DMD: variants seen among roughly 807,000 people sequenced by gnomAD.
DMD encodes mutant dystrophin.
A neutral mutation model predicts 330.1 loss-of-function variants in DMD; 63 were observed. The ratio of observed to expected loss-of-function variants is 0.19; its 90% CI spans 0.16 to 0.24. The LOEUF is 0.24. Ranked by LOEUF, DMD falls within the 10% of genes least tolerant of loss-of-function variation. The probability of loss-of-function intolerance (pLI) is 1.00; values close to 1 mark genes in which losing one functional copy is unlikely to be tolerated. For synonymous variants in DMD, 1,223 were observed against 959.8 expected (o/e 1.27, Z -5.07); for missense variants, 3,344 against 2,684.1 (o/e 1.25, Z -5.43).
chrX:33,053,582 C>A (rs1381440445), intron 1 of DMD, among the ~76,000 whole-genome samples: 2 of 108,898 alleles, frequency 1.8e-5, no homozygotes, highest in Non-Finnish European at 3.8e-5. Context: ...GGTGACAGAG[C>A]AAGACTCCAT....
intron 2 of DMD, among the ~76,000 whole-genome samples, chrX:32,883,550 C>T (rs975946698): frequency 2.7e-5 from 3 of 110,673 alleles, no homozygotes; most frequent in African/African-American, 9.9e-5. Flanking sequence ...CATGGCCAGG[C>T]GCGGTGGCTC....
At chrX:31,688,913 T>A (rs1038628906) in intron 52 of DMD, among the ~76,000 whole-genome samples, 1 of 111,814 alleles carries the variant, frequency 8.9e-6, no homozygotes, top group African/African-American at 3.3e-5. Context: ...TTGACCAAAT[T>A]CAACAGCCCT....
At chrX:33,121,210 A>T in intron 1 of DMD, among the ~76,000 whole-genome samples, 1 of 108,519 alleles carries the variant, frequency 9.2e-6, no homozygotes, top group East Asian at 2.9e-4. Flanking sequence ...AATTTTTATA[A>T]TTTTGACTCA....
intron 11 of DMD, among the ~76,000 whole-genome samples, chrX:32,628,381 T>G: frequency 1.0e-5 from 1 of 100,057 alleles, no homozygotes; most frequent in South Asian, 5.5e-4. Context: ...TCCAGTTCCA[T>G]CCATGTTGTT....
At chrX:32,035,663 T>C (rs946586897) in intron 44 of DMD, 2 of 195,885 alleles carry the variant, frequency 1.0e-5, no homozygotes, top group African/African-American at 3.0e-5. Flanking sequence ...TATATACAGA[T>C]ACCTAATCAG....
At chrX:32,568,122 G>A (rs912930765) in intron 15 of DMD, among the ~76,000 whole-genome samples, 2 of 111,972 alleles carry the variant, frequency 1.8e-5, no homozygotes, top group African/African-American at 6.5e-5. Context: ...TAACCTCATG[G>A]TACCTAAACA....
At chrX:32,554,504 C>T (rs1291689049) in intron 16 of DMD, among the ~76,000 whole-genome samples, 6 of 110,456 alleles carry the variant, frequency 5.4e-5, no homozygotes, top group African/African-American at 2.0e-4. Flanking sequence ...TGCACATAAA[C>T]TAGAAAACCT....
Position 31,831,104 on chromosome X carries a change from C to T in DMD, c.7200+5614G>A, listed in dbSNP as rs115242077. 6.6e-3 allele frequency among the ~76,000 whole-genome samples: 744 copies of T among 112,316 alleles called. 6 individuals carry two copies. The highest frequency in any genetic ancestry group is 0.023 in the African/African-American group (705 of 30,952). ...CAATGCCCTCTTACTGAGATGCCCA[C>T]ACTCTGAAGTGTTTTACGCTCTTGC... On this transcript the variant is annotated intron_variant, in intron 49 of 78. Transcript: ENST00000357033.
chrX:31,708,140 G>A (rs1339187504), intron 52 of DMD, among the ~76,000 whole-genome samples: 1 of 111,524 alleles, frequency 9.0e-6, no homozygotes, highest in Non-Finnish European at 1.9e-5. Context: ...TATTAAGTAG[G>A]TATATTTGCA....
chrX:31,914,938 C>T (rs999718978), intron 47 of DMD, among the ~76,000 whole-genome samples: 13 of 112,348 alleles, frequency 1.2e-4, no homozygotes, highest in African/African-American at 3.9e-4. Context: ...GTGGATCCCC[C>T]GTTCTCCATG....
intron 1 of DMD, among the ~76,000 whole-genome samples, chrX:33,169,158 C>T: frequency 9.0e-6 from 1 of 111,169 alleles, no homozygotes; most frequent in Non-Finnish European, 1.9e-5. Flanking sequence ...ATTATTTCAA[C>T]TGAAATCAAG....
intron 47 of DMD, among the ~76,000 whole-genome samples, chrX:31,915,685 A>C (rs2094600709): frequency 8.9e-6 from 1 of 111,936 alleles, no homozygotes; most frequent in South Asian, 3.7e-4. Context: ...ATTTTGCATA[A>C]AGTATCTTTG....
intron 2 of DMD, among the ~76,000 whole-genome samples, chrX:32,903,960 C>A (rs1306264179): frequency 8.9e-6 from 1 of 111,870 alleles, no homozygotes; most frequent in African/African-American, 3.2e-5. Context: ...TACTTAACCA[C>A]TCTAAGTCTC....
intron 1 of DMD, among the ~76,000 whole-genome samples, chrX:33,132,237 C>T (rs1360996247): frequency 1.8e-5 from 2 of 111,974 alleles, no homozygotes; most frequent in Non-Finnish European, 1.9e-5. Context: ...AATTTTACTT[C>T]CTTACAGCTC....
chrX:31,623,351 C>T (rs1328656041), intron 55 of DMD, among the ~76,000 whole-genome samples: 2 of 111,374 alleles, frequency 1.8e-5, no homozygotes, highest in East Asian at 5.6e-4. Flanking sequence ...GCAACCTCCA[C>T]CTCCTGGGTT....
intron 55 of DMD, among the ~76,000 whole-genome samples, chrX:31,536,188 C>T (rs2073391334): frequency 9.0e-6 from 1 of 111,312 alleles, no homozygotes; most frequent in South Asian, 3.8e-4. Flanking sequence ...TGAAAACTAT[C>T]CTCCACTAGA....
At chrX:32,731,843 A>C (rs2067709385) in intron 7 of DMD, among the ~76,000 whole-genome samples, 1 of 112,019 alleles carries the variant, frequency 8.9e-6, no homozygotes, top group Non-Finnish European at 1.9e-5. Flanking sequence ...GAAACTCTAA[A>C]AAGCAGAGCA....
At chrX:31,596,162 A>C (rs1231806706) in intron 55 of DMD, among the ~76,000 whole-genome samples, 1 of 111,702 alleles carries the variant, frequency 9.0e-6, no homozygotes, top group African/African-American at 3.2e-5. Flanking sequence ...GCATAACATA[A>C]TATTGATGAA....
At chrX:33,067,575 T>C (rs1479724959) in intron 1 of DMD, among the ~76,000 whole-genome samples, 1 of 112,381 alleles carries the variant, frequency 8.9e-6, no homozygotes, top group Non-Finnish European at 1.9e-5. Flanking sequence ...GAGCGGTGGC[T>C]CACGCCTGTA....
Sources: gnomAD v4.1 joint callset for allele counts (sites outside exome capture counted in the v4.1 genomes callset) on GRCh38, gnomAD v4.1.1 for gene constraint, MANE v1.5 for transcripts, NCBI Gene and HGNC (gene_info 2026-07-23, HGNC 2026-07-21) for gene names.